METTL15: variants seen among roughly 807,000 people sequenced by gnomAD.
METTL15 encodes methyltransferase 15, mitochondrial 12S rRNA N4-cytidine.
Under a neutral mutation model 38.3 loss-of-function variants are expected in METTL15, and 34 were observed. The observed-to-expected ratio is 0.89, with a 90% CI of 0.68 to 1.18. The LOEUF (loss-of-function observed/expected upper bound fraction) is 1.18, where lower values mean the gene tolerates loss of function less well. Ranked by LOEUF, METTL15 falls within the 50% of genes most tolerant of loss-of-function variation. The pLI, the probability that METTL15 is intolerant of heterozygous loss-of-function variation, is 0.00. For missense variants in METTL15, 438 were observed against 498.4 expected (o/e 0.88, Z 1.15); for synonymous variants, 162 against 170.9 (o/e 0.95, Z 0.41).
intron 3 of METTL15, among the ~76,000 whole-genome samples, chr11:28,339,654 A>G (rs1171025910): frequency 6.6e-6 from 1 of 152,100 alleles, no homozygotes; most frequent in African/African-American, 2.4e-5. Context: ...CAGAAGCCAT[A>G]TTTGGAGAGA....
intron 3 of METTL15, among the ~76,000 whole-genome samples, chr11:28,187,249 CAAAT>C (rs1052549408): frequency 6.6e-6 from 1 of 151,114 alleles, no homozygotes; most frequent in African/African-American, 2.4e-5. Flanking sequence ...CTTCTCTGAC[CAAAT>C]AAATAAATCA....
chr11:28,320,940 G>C (rs573848954), intron 6 of METTL15, among the ~76,000 whole-genome samples: 1 of 151,942 alleles, frequency 6.6e-6, no homozygotes, highest in Admixed American at 6.6e-5. Context: ...TTATACATTA[G>C]GAAAATTTTA....
At chr11:28,481,798 C>T (rs186221590) in intron 6 of METTL15, among the ~76,000 whole-genome samples, 2 of 152,230 alleles carry the variant, frequency 1.3e-5, no homozygotes, top group Admixed American at 1.3e-4. Context: ...TTAAGTGCAG[C>T]CCGCTGGGCT....
At chr11:28,452,990 A>C (rs1263908989) in intron 6 of METTL15, among the ~76,000 whole-genome samples, 1 of 152,184 alleles carries the variant, frequency 6.6e-6, no homozygotes, top group Non-Finnish European at 1.5e-5. Context: ...TAGATTCTCT[A>C]ATCTTGCTCC....
At chr11:28,377,349 T>G (rs888263664) in intron 5 of METTL15, among the ~76,000 whole-genome samples, 2 of 152,176 alleles carry the variant, frequency 1.3e-5, no homozygotes, top group African/African-American at 4.8e-5. Flanking sequence ...CTTGGAGGCT[T>G]TGCCGTTTCC....
At chr11:28,232,167 A>G (rs1306921926) in intron 4 of METTL15, among the ~76,000 whole-genome samples, 1 of 151,928 alleles carries the variant, frequency 6.6e-6, no homozygotes, top group African/African-American at 2.4e-5. Flanking sequence ...TAAACTGCAG[A>G]TTCACTTCCT....
intron 4 of METTL15, among the ~76,000 whole-genome samples, chr11:28,232,783 T>C (rs1344942268): frequency 6.6e-6 from 1 of 152,006 alleles, no homozygotes; most frequent in Non-Finnish European, 1.5e-5. Flanking sequence ...GTAAGAGATA[T>C]TGCTGCTGAC....
chr11:28,434,525 C>G (rs1850964497), intron 6 of METTL15, among the ~76,000 whole-genome samples: 1 of 152,158 alleles, frequency 6.6e-6, no homozygotes, highest in African/African-American at 2.4e-5. Context: ...GTCCATCTAG[C>G]TGAGATTTTA....
At chr11:28,367,385 AC>A (rs1402118700) in intron 5 of METTL15, among the ~76,000 whole-genome samples, 1 of 152,154 alleles carries the variant, frequency 6.6e-6, no homozygotes, top group Non-Finnish European at 1.5e-5. Flanking sequence ...GTTTGAGAGG[AC>A]CCTAGAATCT....
chr11:28,452,661 C>T (rs977842920), intron 6 of METTL15, among the ~76,000 whole-genome samples: 1 of 152,102 alleles, frequency 6.6e-6, no homozygotes, highest in African/African-American at 2.4e-5. Flanking sequence ...TATGATGCCA[C>T]GTCAGAGATT....
rs376886008 is a variant in METTL15, at chr11:28,498,922, G to A, written c.*425-27556G>A. Reference sequence around the variant, plus strand: ...TATGCTTTTGTATCCCAGATTATAGGAGGAAGAAGAGAATATTCAGAGTGG... The same window carrying A: ...TATGCTTTTGTATCCCAGATTATAGAAGGAAGAAGAGAATATTCAGAGTGG... On this transcript the variant is annotated intron_variant and NMD_transcript_variant, in intron 6 of 7. Coordinates refer to the METTL15 transcript ENST00000532947. 5.3e-5 allele frequency among the ~76,000 whole-genome samples: 8 copies of A among 152,276 alleles called. No homozygotes were observed. The East Asian group carries it at 1.5e-3, about 29-fold the overall frequency.
intron 4 of METTL15, among the ~76,000 whole-genome samples, chr11:28,221,916 T>C (rs1241355802): frequency 1.1e-4 from 17 of 152,058 alleles, no homozygotes; most frequent in Non-Finnish European, 2.9e-5. Flanking sequence ...CTCTGGAAGT[T>C]TTGTCTCAGA....
chr11:28,503,147 A>C (rs1006313997), intron 6 of METTL15, among the ~76,000 whole-genome samples: 2 of 152,190 alleles, frequency 1.3e-5, no homozygotes, highest in Non-Finnish European at 2.9e-5. Context: ...AGTGGTGTAC[A>C]GTATTGGTAA....
At chr11:28,279,432 A>C (rs1855964351) in intron 4 of METTL15, among the ~76,000 whole-genome samples, 1 of 152,150 alleles carries the variant, frequency 6.6e-6, no homozygotes, top group Non-Finnish European at 1.5e-5. Context: ...AAATCTACCC[A>C]CCATGTTTCT....
chr11:28,213,560 A>G (rs1852729846), intron 4 of METTL15, among the ~76,000 whole-genome samples: 2 of 151,536 alleles, frequency 1.3e-5, no homozygotes, highest in Non-Finnish European at 2.9e-5. Context: ...CATTACCGTA[A>G]TAGAAATTAG....
intron 5 of METTL15, among the ~76,000 whole-genome samples, chr11:28,380,390 G>A (rs1361841906): frequency 2.0e-5 from 3 of 152,080 alleles, no homozygotes; most frequent in South Asian, 2.1e-4. Flanking sequence ...AGATGGTCTC[G>A]ATCTCCTGAC....
rs148375208 is a variant in METTL15, at chr11:28,496,166, G to T, written c.*425-30312G>T. Among the ~76,000 whole-genome samples the T allele has an allele frequency of 3.7e-3, 570 of 152,318 alleles. 2 individuals are homozygous for T. The highest frequency in any genetic ancestry group is 0.013 in the African/African-American group (558 of 41,572). ...ATTTACAAAAGAAAAAGGTTTAATGGACTCACAGTTCCACATAGCTGGAGA... is the reference window on the plus strand; with the variant it reads ...ATTTACAAAAGAAAAAGGTTTAATGTACTCACAGTTCCACATAGCTGGAGA... On this transcript the variant is annotated intron_variant and NMD_transcript_variant, in intron 6 of 7. Transcript: ENST00000532947.
At chr11:28,194,191 TCC>T (rs1565156156) in intron 3 of METTL15, among the ~76,000 whole-genome samples, 2 of 10,116 alleles carry the variant, frequency 2.0e-4, no homozygotes, top group African/African-American at 4.5e-4. Context: ...TCTCTCTCTC[TCC>T]TCTCTCTCTC....
intron 5 of METTL15, among the ~76,000 whole-genome samples, chr11:28,380,069 T>C (rs776947105): frequency 6.6e-6 from 1 of 152,166 alleles, no homozygotes; most frequent in African/African-American, 2.4e-5. Flanking sequence ...TTGTTCCCAC[T>C]CTTCATTTTT....
Sources: gnomAD v4.1 joint callset for allele counts (sites outside exome capture counted in the v4.1 genomes callset) on GRCh38, gnomAD v4.1.1 for gene constraint, MANE v1.5 for transcripts, NCBI Gene and HGNC (gene_info 2026-07-23, HGNC 2026-07-21) for gene names.